PLPP1: variants seen among roughly 807,000 people sequenced by gnomAD.
PLPP1 encodes the protein phospholipid phosphatase 1.
In PLPP1, 24 loss-of-function variants were observed where a neutral mutation model predicts 31.2. The observed-to-expected ratio is 0.77, with a 90% CI of 0.56 to 1.08. The LOEUF (loss-of-function observed/expected upper bound fraction) is 1.08. Ranked by LOEUF, PLPP1 falls within the 50% of genes least tolerant of loss-of-function variation. The probability of loss-of-function intolerance (pLI) is 0.00; values close to 1 mark genes in which losing one functional copy is unlikely to be tolerated. For synonymous variants in PLPP1, 146 were observed against 126.3 expected, an observed-to-expected ratio of 1.16 and a Z score of -1.05; for missense variants, 319 against 342.7, an observed-to-expected ratio of 0.93 and a Z score of 0.55.
At chr5:55,459,745 T>C (rs1752110222) in intron 3 of PLPP1, among the ~76,000 whole-genome samples, 2 of 152,162 alleles carry the variant, frequency 1.3e-5, no homozygotes, top group South Asian at 4.1e-4. Context: ...TTGAACTGTG[T>C]AGGTCCATTT....
intron 4 of PLPP1, among the ~76,000 whole-genome samples, chr5:55,441,185 C>A (rs1328605047): frequency 2.0e-5 from 3 of 152,160 alleles, no homozygotes; most frequent in African/African-American, 7.2e-5. Flanking sequence ...ACTACATATT[C>A]ATCTCTAGTT....
intron 1 of PLPP1, chr5:55,491,207 A>G (rs1752881677): frequency 7.2e-7 from 1 of 1,383,792 alleles, no homozygotes; most frequent in Non-Finnish European, 9.8e-7. Context: ...AATCCTAGCC[A>G]TATTTTGCCC....
chr5:55,516,344 G>T (rs1284915901), intron 1 of PLPP1, among the ~76,000 whole-genome samples: 1 of 152,042 alleles, frequency 6.6e-6, no homozygotes, highest in Non-Finnish European at 1.5e-5. Context: ...TGCAGCCAAA[G>T]TAATCATTTT....
intron 1 of PLPP1, among the ~76,000 whole-genome samples, chr5:55,512,484 GA>G (rs1329928529): frequency 0.044 from 371 of 8,470 alleles, 12 homozygotes; most frequent in African/African-American, 0.094. Context: ...AAAAAAAAAA[GA>G]AAGAAAGAAA....
At chr5:55,443,204 TATATATATACAC>T (rs1751673469) in intron 3 of PLPP1, among the ~76,000 whole-genome samples, 1 of 97,072 alleles carries the variant, frequency 1.0e-5, no homozygotes, top group East Asian at 3.0e-4. Flanking sequence ...TATATATATA[TATATATATACAC>T]ACACACACAC....
chr5:55,513,448 T>C (rs1046196803), intron 1 of PLPP1, among the ~76,000 whole-genome samples: 2 of 151,964 alleles, frequency 1.3e-5, no homozygotes, highest in Non-Finnish European at 2.9e-5. Context: ...TTTTTTCTTT[T>C]TTTAGTAGAG....
At chr5:55,436,787 T>A (rs1751502906) in intron 4 of PLPP1, among the ~76,000 whole-genome samples, 1 of 152,228 alleles carries the variant, frequency 6.6e-6, no homozygotes, top group Non-Finnish European at 1.5e-5. Flanking sequence ...TCTGTGATAC[T>A]ACTTAGGCAT....
chr5:55,514,860 CT>C (rs1753522693), intron 1 of PLPP1, among the ~76,000 whole-genome samples: 1 of 152,192 alleles, frequency 6.6e-6, no homozygotes, highest in Non-Finnish European at 1.5e-5. Flanking sequence ...CAAATGATTC[CT>C]TTGAGGCTAA....
intron 4 of PLPP1, among the ~76,000 whole-genome samples, chr5:55,433,189 G>T (rs577028914): frequency 2.2e-4 from 34 of 151,270 alleles, no homozygotes; most frequent in African/African-American, 8.2e-4. Context: ...CAGGATTGGT[G>T]GCATGTGCCT....
intron 1 of PLPP1, among the ~76,000 whole-genome samples, chr5:55,492,551 A>G (rs966998072): frequency 5.3e-5 from 8 of 152,208 alleles, no homozygotes; most frequent in African/African-American, 1.9e-4. Context: ...AGGTGAAATG[A>G]CAGGTAAAAC....
chr5:55,511,652 T>G (rs1211484493), intron 1 of PLPP1, among the ~76,000 whole-genome samples: 2 of 29,060 alleles, frequency 6.9e-5, no homozygotes, highest in South Asian at 1.7e-3. Context: ...CGTGTTGAGT[T>G]TTTTTTTTTT....
At chr5:55,461,120 G>A (rs760477947) in intron 3 of PLPP1, among the ~76,000 whole-genome samples, 7 of 152,138 alleles carry the variant, frequency 4.6e-5, no homozygotes, top group African/African-American at 7.2e-5. Flanking sequence ...CACTTGAGCC[G>A]GGAGGTCAAG....
chr5:55,491,960 C>T (rs368334649), intron 1 of PLPP1, among the ~76,000 whole-genome samples: 1 of 110,012 alleles, frequency 9.1e-6, no homozygotes, highest in Admixed American at 1.0e-4. Flanking sequence ...AAGAAAAAGC[C>T]TTTTGTTTTC....
chr5:55,483,672 A>AC, intron 1 of PLPP1, among the ~76,000 whole-genome samples: 1 of 149,644 alleles, frequency 6.7e-6, no homozygotes, highest in South Asian at 2.1e-4. Context: ...ACTGTCTCAA[A>AC]AAAAAAAAAA....
intron 1 of PLPP1, among the ~76,000 whole-genome samples, chr5:55,518,005 C>A (rs1309827520): frequency 6.6e-6 from 1 of 152,174 alleles, no homozygotes; most frequent in Non-Finnish European, 1.5e-5. Flanking sequence ...AGCCACCACA[C>A]CCAGCTAATT....
chr5:55,521,491 T>G (rs990608908), intron 1 of PLPP1, among the ~76,000 whole-genome samples: 10 of 151,932 alleles, frequency 6.6e-5, no homozygotes, highest in African/African-American at 2.4e-4. Flanking sequence ...GCACTCAGCC[T>G]GGGCAACAGA....
At chr5:55,511,750 G>A (rs769620118) in intron 1 of PLPP1, among the ~76,000 whole-genome samples, 40 of 132,000 alleles carry the variant, frequency 3.0e-4, no homozygotes, top group Non-Finnish European at 6.2e-4. Context: ...TGCAAGCTCC[G>A]CCTCCAGGGT....
intron 1 of PLPP1, among the ~76,000 whole-genome samples, chr5:55,505,292 C>T (rs900050729): frequency 4.6e-5 from 7 of 152,068 alleles, no homozygotes; most frequent in Non-Finnish European, 2.9e-5. Context: ...TTCCCATTCT[C>T]ATTTCAAAAG....
At chr5:55,454,145 T>G (rs1229585754) in intron 3 of PLPP1, among the ~76,000 whole-genome samples, 1 of 152,140 alleles carries the variant, frequency 6.6e-6, no homozygotes, top group Non-Finnish European at 1.5e-5. Flanking sequence ...CATCTTCACA[T>G]GCAAAAGTTT....
Sources: gnomAD v4.1 joint callset for allele counts (sites outside exome capture counted in the v4.1 genomes callset) on GRCh38, gnomAD v4.1.1 for gene constraint, MANE v1.5 for transcripts, NCBI Gene and HGNC (gene_info 2026-07-23, HGNC 2026-07-21) for gene names.